ERBB3: variants seen among roughly 807,000 people sequenced by gnomAD.
ERBB3 encodes receptor tyrosine-protein kinase erbB-3.
A neutral mutation model predicts 156.7 loss-of-function variants in ERBB3; 96 were observed. The ratio of observed to expected loss-of-function variants is 0.61; its 90% CI spans 0.52 to 0.73. The LOEUF (loss-of-function observed/expected upper bound fraction) is 0.73. Ranked by LOEUF, ERBB3 falls within the 30% of genes least tolerant of loss-of-function variation. ERBB3 has a pLI of 0.00. For synonymous variants in ERBB3, 567 were observed against 632.0 expected (o/e 0.90, Z 1.54); for missense variants, 1,406 against 1,709.4 (o/e 0.82, Z 3.13).
chr12:56,080,438 G>T (rs1409995365), intron 1 of ERBB3, 56 bp downstream of exon 1: 35 of 1,395,226 alleles, frequency 2.5e-5, no homozygotes, highest in Non-Finnish European at 3.2e-5. Flanking sequence ...AACCCAGTGC[G>T]CGCAGCCTCG....
chr12:56,086,764 A>G lies in ERBB3; in HGVS notation c.547+108A>G, dbSNP rs1236165370. On this transcript the variant is annotated intron_variant, in intron 4 of 27. Coordinates refer to ENST00000267101, the MANE Select transcript of ERBB3 (RefSeq NM_001982.4). Reference sequence around the variant, plus strand: ...TCTGAACCCGCCTCCCCAGTGAACAAACACCTCAGGTCCCTGACTCAGCAG... The same window carrying G: ...TCTGAACCCGCCTCCCCAGTGAACAGACACCTCAGGTCCCTGACTCAGCAG... The G allele has an allele frequency of 3.7e-6, 5 of 1,361,726 alleles. No homozygotes were observed. In the African/African-American group the frequency reaches 4.3e-5, roughly 12 times the overall value. The allele number at this position is 1,361,726 out of a possible 1,614,324, so 84.4% of individuals were successfully genotyped here.
intron 17 of ERBB3, chr12:56,096,284 A>C: frequency 1.6e-6 from 1 of 612,786 alleles, no homozygotes; most frequent in Non-Finnish European, 2.9e-6. Flanking sequence ...TCAAAGGGAA[A>C]ACCCAACCCC....
At chr12:56,101,410 C>A in intron 27 of ERBB3, 49 bp downstream of exon 27, 1 of 1,604,556 alleles carries the variant, frequency 6.2e-7, no homozygotes, top group Non-Finnish European at 8.5e-7. Context: ...CGAATTCTTT[C>A]CCCGGGCTCC....
At chr12:56,098,221 G>A (rs934638964) in intron 21 of ERBB3, 32 of 546,668 alleles carry the variant, frequency 5.9e-5, no homozygotes, top group African/African-American at 1.4e-4. Context: ...TGGCTAGCAC[G>A]GTGAAACCCC....
At chr12:56,081,313 C>T (rs1395863596) in intron 1 of ERBB3, among the ~76,000 whole-genome samples, 1 of 152,226 alleles carries the variant, frequency 6.6e-6, no homozygotes, top group Non-Finnish European at 1.5e-5. Context: ...CCCCGACTCC[C>T]ATGCTATCTG....
At chr12:56,096,929 C>T in intron 19 of ERBB3, 83 bp downstream of exon 19, 1 of 1,351,320 alleles carries the variant, frequency 7.4e-7, no homozygotes, top group South Asian at 1.2e-5. Context: ...CTGTGCTTCT[C>T]AGCAGCTACT....
chr12:56,101,978 G>A lies in ERBB3; in HGVS notation c.3952G>A (p.Ala1318Thr), dbSNP rs775802394. The change falls in exon 28 of 28, where the codon GCT becomes ACT. Residue 1318 changes from alanine (A) to threonine (T), a missense_variant. Ala to Thr is a moderately conservative substitution (Grantham distance 58). Transcript: ENST00000267101. Reference protein sequence around the residue: ...ARLKTLRSLEATDSAFDNPDY... With the variant: ...ARLKTLRSLETTDSAFDNPDY... ...CCTAAAAACTCTACGTAGCTTAGAG[G>A]CTACAGACTCTGCCTTTGATAACCC... The A allele has an allele frequency of 4.3e-6, 7 of 1,613,790 alleles. No individual in the cohort carries two copies. Among genetic ancestry groups the A allele is most frequent in the Non-Finnish European group, 5.9e-6 (7 of 1,179,972 alleles).
At chr12:56,098,651 A>C in intron 22 of ERBB3, 76 bp downstream of exon 22, 1 of 1,566,846 alleles carries the variant, frequency 6.4e-7, no homozygotes, top group South Asian at 1.1e-5. Context: ...CCCTCTTAGA[A>C]TCTCTAAGCA....
intron 9 of ERBB3, among the ~76,000 whole-genome samples, chr12:56,089,918 TCC>T (rs1868615919): frequency 8.1e-6 from 1 of 123,356 alleles, no homozygotes. Flanking sequence ...TTTTTTTTTT[TCC>T]TTTAATTTTT....
Position 56,095,759 on chromosome 12 carries a change from C to G in ERBB3, c.2008C>G (p.Arg670Gly), listed in dbSNP as rs773690291. The G allele has an allele frequency of 6.2e-7, 1 of 1,614,062 alleles. No individual in the cohort carries two copies. Among genetic ancestry groups the G allele is most frequent in the Non-Finnish European group, 8.5e-7 (1 of 1,180,008 alleles). ...GGTFLYWRGR[R>G]IQNKRAMRRY... Reference sequence around the variant, plus strand: ...CACTTTTCTCTACTGGCGTGGGCGCCGGATTCAGAATAAAAGGGCTATGAG... The same window carrying G: ...CACTTTTCTCTACTGGCGTGGGCGCGGGATTCAGAATAAAAGGGCTATGAG... The change falls in exon 17 of 28, where the codon CGG becomes GGG. Residue 670 changes from arginine to glycine, a missense_variant. By Grantham distance (125) the Arg-to-Gly change is moderately radical (BLOSUM62 -2). Coordinates refer to ENST00000267101, the MANE Select transcript of ERBB3 (RefSeq NM_001982.4).
At position 56,099,975 on chromosome 12, in the gene ERBB3, C is replaced by T. The variant is rs1869033912; in HGVS notation, c.3075C>T (p.Thr1025=). Residue 1025 remains threonine (T), a synonymous_variant, in exon 25 of 28, where the codon ACC becomes ACT. Transcript: ENST00000267101. ...CAGAGGAGGACAACCTGGCAACCAC[C>T]ACACTGGGCTCCGCCCTCAGCCTAC... The part of the protein sequence containing the change: ...LEAEEDNLAT[T]TLGSALSLPV... The T allele has an allele frequency of 1.2e-6, 2 of 1,614,120 alleles. No individual in the cohort carries two copies. Among genetic ancestry groups the T allele is most frequent in the African/African-American group, 2.7e-5 (2 of 74,938 alleles).
intron 1 of ERBB3, 122 bp from the exon 2 acceptor site, chr12:56,083,629 T>G: frequency 9.0e-7 from 1 of 1,107,698 alleles, no homozygotes; most frequent in Non-Finnish European, 1.4e-6. Context: ...TGGAGGCAAA[T>G]GCCATCTGAT....
chr12:56,101,393 T>A, intron 27 of ERBB3, 32 bp downstream of exon 27: 1 of 1,611,620 alleles, frequency 6.2e-7, no homozygotes, highest in Non-Finnish European at 8.5e-7. Context: ...TTTCCTCAAT[T>A]TTTCCTCGAA....
intron 3 of ERBB3, 46 bp from the exon 4 acceptor site, chr12:56,086,485 C>A (rs573798308): frequency 6.2e-7 from 1 of 1,612,814 alleles, no homozygotes; most frequent in South Asian, 1.1e-5. Context: ...AAGGAAGAGG[C>A]GTTCCGCTGC....
Position 56,099,820 on chromosome 12 carries a change from A to C in ERBB3, c.2938-18A>C, listed in dbSNP as rs200767056. Reference sequence around the variant, plus strand: ...GGCTGGAACCAGGATTCCCCCTAACAATCACCTATCGATATAGAGAGAGAG... The same window carrying C: ...GGCTGGAACCAGGATTCCCCCTAACCATCACCTATCGATATAGAGAGAGAG... On this transcript the variant is annotated intron_variant, in intron 24 of 27. Transcript: ENST00000267101. 6.2e-7 allele frequency: 1 copy of C among 1,614,022 alleles called. No homozygotes were observed. Among genetic ancestry groups the C allele is most frequent in the Admixed American group, 1.7e-5 (1 of 60,028 alleles).
At chr12:56,086,087 C>A (rs570745693) in intron 3 of ERBB3, among the ~76,000 whole-genome samples, 24 of 127,084 alleles carry the variant, frequency 1.9e-4, no homozygotes, top group African/African-American at 5.5e-4. Context: ...AAAAAAAAAA[C>A]CAAAGTACAG....
chr12:56,092,764 T>G lies in ERBB3; in HGVS notation c.1127T>G (p.Ile376Ser), dbSNP rs1344671794. ...TGLNGDPWHK[I>S]PALDPEKLNV... Reference sequence around the variant, plus strand: ...CTATTCAGAGACCCCTGGCACAAGATCCCTGCCCTGGACCCAGAGAAGCTC... The same window carrying G: ...CTATTCAGAGACCCCTGGCACAAGAGCCCTGCCCTGGACCCAGAGAAGCTC... The change falls in exon 10 of 28, where the codon ATC becomes AGC. Residue 376 changes from isoleucine to serine, a missense_variant. Ile to Ser is a moderately radical substitution (Grantham distance 142). This residue lies in a region of ERBB3 where 979 missense variants were observed against 1,219.6 expected (regional missense o/e 0.80). Coordinates refer to ENST00000267101, the MANE Select transcript of ERBB3 (RefSeq NM_001982.4). The G allele has an allele frequency of 6.2e-7, 1 of 1,614,084 alleles. No homozygotes were observed. Among genetic ancestry groups the G allele is most frequent in the South Asian group, 1.1e-5 (1 of 91,086 alleles).
In ERBB3 at chr12:56,101,710, G is replaced by A; in HGVS notation, c.3684G>A (p.Gly1228=). The A allele has an allele frequency of 6.2e-7, 1 of 1,613,886 alleles. No homozygotes were observed. Among genetic ancestry groups the A allele is most frequent in the South Asian group, 1.1e-5 (1 of 91,070 alleles). The change falls in exon 28 of 28, where the codon GGG becomes GGA. Residue 1228 remains glycine, a synonymous_variant. Transcript: ENST00000267101. Reference sequence around the variant, plus strand: ...TGGGTTATGAGTACATGGATGTGGGGTCAGACCTCAGTGCCTCTCTGGGCA... The same window carrying A: ...TGGGTTATGAGTACATGGATGTGGGATCAGACCTCAGTGCCTCTCTGGGCA... ...EELGYEYMDV[G]SDLSASLGST... is the part of the protein sequence containing the mutation.
In ERBB3 at chr12:56,101,093, C is replaced by A; in HGVS notation, c.3234C>A (p.Cys1078Ter). 1 of 1,614,002 alleles carries A rather than the reference C, an allele frequency of 6.2e-7. No individual in the cohort carries two copies. The highest frequency in any genetic ancestry group is 1.1e-5 in the South Asian group (1 of 91,078). The change falls in exon 27 of 28, where the codon TGC (cysteine) becomes TGA (stop). Residue 1078 changes from cysteine (C) to a stop codon, truncating the protein, a stop_gained. Coordinates refer to ENST00000267101, the MANE Select transcript of ERBB3 (RefSeq NM_001982.4). LOFTEE classifies it high-confidence loss of function. ...ESAVSGSSER[C>*]PRPVSLHPMP... ...CAGTTTCTGGGAGCAGTGAACGGTG[C>A]CCCCGTCCAGTCTCTCTACACCCAA...
Sources: allele counts gnomAD v4.1 joint callset (sites outside exome capture counted in the v4.1 genomes callset), GRCh38; gene constraint gnomAD v4.1.1; regional missense constraint gnomAD v4.1.1; transcripts MANE v1.5; gene names NCBI Gene and HGNC (gene_info 2026-07-23, HGNC 2026-07-21).